EXOC4: variants seen among roughly 807,000 people sequenced by gnomAD.
The protein encoded by EXOC4 is SEC8-like 1.
Under a neutral mutation model 107.2 loss-of-function variants are expected in EXOC4, and 71 were observed. The ratio of observed to expected loss-of-function variants is 0.66; its 90% CI spans 0.55 to 0.81. EXOC4 has a LOEUF of 0.81. Ranked by LOEUF, EXOC4 falls within the 30% of genes least tolerant of loss-of-function variation. EXOC4 has a pLI of 0.00. For synonymous variants in EXOC4, 456 were observed against 441.2 expected (o/e 1.03, Z -0.42); for missense variants, 1,108 against 1,189.6 (o/e 0.93, Z 1.01).
intron 9 of EXOC4, among the ~76,000 whole-genome samples, chr7:133,552,321 C>T (rs1563105566): frequency 6.6e-6 from 1 of 152,252 alleles, no homozygotes; most frequent in Middle Eastern, 3.4e-3. Flanking sequence ...ATTTTAGGCT[C>T]TCTTCAAAGC....
chr7:133,279,050 A>G (rs1449516921), intron 2 of EXOC4, among the ~76,000 whole-genome samples: 2 of 150,638 alleles, frequency 1.3e-5, no homozygotes, highest in Non-Finnish European at 2.9e-5. Context: ...ATTCCCACCT[A>G]TGAGTGAGAA....
the EXOC4 span, among the ~76,000 whole-genome samples, chr7:134,082,202 T>G: frequency 2.6e-5 from 4 of 152,078 alleles, no homozygotes; most frequent in African/African-American, 9.7e-5. Context: ...GGTTATTTCT[T>G]GATTATATGC....
At chr7:133,409,284 G>T (rs1797301314) in intron 7 of EXOC4, among the ~76,000 whole-genome samples, 2 of 152,096 alleles carry the variant, frequency 1.3e-5, no homozygotes, top group South Asian at 4.1e-4. Context: ...AGCTGTATTA[G>T]GTTTATTCTT....
intron 7 of EXOC4, among the ~76,000 whole-genome samples, chr7:133,461,089 G>A (rs1405381337): frequency 1.3e-5 from 2 of 152,146 alleles, no homozygotes; most frequent in Non-Finnish European, 2.9e-5. Context: ...TTGAAAGAAG[G>A]CTAGAATTTA....
chr7:134,094,427 C>T, the EXOC4 span, among the ~76,000 whole-genome samples: 1 of 151,938 alleles, frequency 6.6e-6, no homozygotes, highest in Non-Finnish European at 1.5e-5. Context: ...ATTTAAAAAC[C>T]TACAAACCAA....
intron 10 of EXOC4, among the ~76,000 whole-genome samples, chr7:133,633,154 C>A (rs2151017661): frequency 6.6e-6 from 1 of 152,252 alleles, no homozygotes; most frequent in East Asian, 1.9e-4. Flanking sequence ...ATGAAGAAGC[C>A]TGAAAACACC....
At chr7:133,802,849 C>CAAAA (rs59489161) in intron 10 of EXOC4, among the ~76,000 whole-genome samples, 6 of 64,220 alleles carry the variant, frequency 9.3e-5, no homozygotes, top group Non-Finnish European at 1.9e-4. Flanking sequence ...TCTGTCTCCA[C>CAAAA]AAAAAAAAAA....
intron 9 of EXOC4, among the ~76,000 whole-genome samples, chr7:133,594,733 C>T (rs1801626857): frequency 2.0e-5 from 3 of 152,014 alleles, no homozygotes; most frequent in South Asian, 4.2e-4. Flanking sequence ...ACCTCGTGAT[C>T]CACCTGCCTC....
chr7:133,590,948 G>T (rs1422253316), intron 9 of EXOC4, among the ~76,000 whole-genome samples: 1 of 152,176 alleles, frequency 6.6e-6, no homozygotes, highest in Admixed American at 6.5e-5. Context: ...CATGGGCAGG[G>T]ACCTCCCTAG....
intron 12 of EXOC4, 79 bp downstream of exon 12, chr7:133,895,814 C>A (rs1472044814): frequency 2.1e-6 from 3 of 1,462,006 alleles, no homozygotes; most frequent in Non-Finnish European, 2.8e-6. Flanking sequence ...GCTTCAATAG[C>A]CTAATTTCCA....
At chr7:133,878,389 C>G (rs747489630) in intron 11 of EXOC4, among the ~76,000 whole-genome samples, 3 of 152,192 alleles carry the variant, frequency 2.0e-5, no homozygotes, top group Non-Finnish European at 4.4e-5. Context: ...GTGGCATGTT[C>G]CATCTTCTGT....
intron 2 of EXOC4, among the ~76,000 whole-genome samples, chr7:133,278,400 C>A (rs1413651194): frequency 6.6e-6 from 1 of 152,136 alleles, no homozygotes; most frequent in Non-Finnish European, 1.5e-5. Flanking sequence ...AGAAGTGCTA[C>A]ACACACCCCC....
chr7:133,862,273 C>T (rs1798550376), intron 11 of EXOC4, among the ~76,000 whole-genome samples: 1 of 151,706 alleles, frequency 6.6e-6, no homozygotes, highest in Non-Finnish European at 1.5e-5. Context: ...AGGTGGATCA[C>T]ACCAGGAGTT....
intron 9 of EXOC4, among the ~76,000 whole-genome samples, chr7:133,508,634 C>A (rs1799710380): frequency 6.6e-6 from 1 of 152,158 alleles, no homozygotes; most frequent in Non-Finnish European, 1.5e-5. Flanking sequence ...AGAGACATTT[C>A]CATCAAAGGA....
chr7:133,708,129 G>T lies in EXOC4; in HGVS notation c.1514+77988G>T, dbSNP rs546446587. 1.6e-4 allele frequency among the ~76,000 whole-genome samples: 25 copies of T among 152,240 alleles called. No individual in the cohort carries two copies. The South Asian group carries it at 5.2e-3, about 32-fold the overall frequency. ...TAGGAGTACTGACTTCTTAGTATAAGGTGAAGCAGAAGTATATGACTCCTT... is the reference window on the plus strand; with the variant it reads ...TAGGAGTACTGACTTCTTAGTATAATGTGAAGCAGAAGTATATGACTCCTT... On this transcript the variant is annotated intron_variant, in intron 10 of 17. Transcript: ENST00000253861.
chr7:133,552,299 T>C (rs1800605496), intron 9 of EXOC4, among the ~76,000 whole-genome samples: 2 of 152,190 alleles, frequency 1.3e-5, no homozygotes, highest in African/African-American at 4.8e-5. Context: ...TGTTTTACAT[T>C]GCATCTTAAA....
At chr7:133,896,275 CA>C (rs1279689014) in intron 12 of EXOC4, among the ~76,000 whole-genome samples, 1 of 151,954 alleles carries the variant, frequency 6.6e-6, no homozygotes, top group Non-Finnish European at 1.5e-5. Flanking sequence ...TCCTTAGGTT[CA>C]AAAAAATCTC....
At chr7:133,818,232 A>G (rs1052772180) in intron 11 of EXOC4, among the ~76,000 whole-genome samples, 6 of 152,218 alleles carry the variant, frequency 3.9e-5, no homozygotes, top group Admixed American at 3.9e-4. Flanking sequence ...AATTATAGGT[A>G]TACATTAACT....
rs1233209502 is a variant in EXOC4, at chr7:133,356,527, A to G, written c.961A>G (p.Ser321Gly). ...VKRSTTQVADSGYQRGENVTV... is the reference protein window; with the variant it reads ...VKRSTTQVADGGYQRGENVTV... The stretch of plus-strand genomic sequence containing the variant: ...GAGGTCTACAACCCAGGTGGCAGAC[A>G]GTGGCTATCAGCGGGGGGAGAACGT... Residue 321 changes from serine (S) to glycine (G), a missense_variant, in exon 6 of 18, where the codon AGT becomes GGT. By Grantham distance (56) the Ser-to-Gly change is moderately conservative. Coordinates refer to ENST00000253861, the MANE Select transcript of EXOC4 (RefSeq NM_021807.4). The G allele has an allele frequency of 6.2e-7, 1 of 1,614,116 alleles. No homozygotes were observed. The highest frequency in any genetic ancestry group is 1.3e-5 in the African/African-American group (1 of 75,062).
Sources: gnomAD v4.1 joint callset for allele counts (sites outside exome capture counted in the v4.1 genomes callset) on GRCh38, gnomAD v4.1.1 for gene constraint, MANE v1.5 for transcripts, NCBI Gene and HGNC (gene_info 2026-07-23, HGNC 2026-07-21) for gene names.